The following EFCAB6 variants were observed in gnomAD, a reference collection of about 807,000 sequenced individuals.
The protein encoded by EFCAB6 is EF-hand calcium binding domain 6, also known as EF-hand calcium-binding domain-containing protein 6.
In EFCAB6, 156 loss-of-function variants were observed where a neutral mutation model predicts 169.8. The observed-to-expected ratio is 0.92, with a 90% CI of 0.81 to 1.05. EFCAB6 has a LOEUF of 1.05. Ranked by LOEUF, EFCAB6 falls within the 50% of genes least tolerant of loss-of-function variation. The pLI is 0.00. For missense variants in EFCAB6, 1,800 were observed against 1,829.1 expected, an observed-to-expected ratio of 0.98 and a Z score of 0.29; for synonymous variants, 698 against 676.4, an observed-to-expected ratio of 1.03 and a Z score of -0.50.
Position 43,540,233 on chromosome 22 carries a change from G to C in EFCAB6, c.3773C>G (p.Ala1258Gly). ...TPMATGDSAV[A>G]QRGSSVPDVS... ...GTCAGGGACACTGCTCCCTCTCTGG[G>C]CCACGGCCGAGTCACCAGTGGCCAT... Residue 1258 changes from alanine to glycine, a missense_variant, in exon 28 of 32, where the codon GCC becomes GGC. Ala to Gly is a moderately conservative substitution (Grantham distance 60, BLOSUM62 0). Coordinates refer to ENST00000262726, the MANE Select transcript of EFCAB6 (RefSeq NM_022785.4). 6.2e-7 allele frequency: 1 copy of C among 1,614,218 alleles called. No individual in the cohort carries two copies. The highest frequency in any genetic ancestry group is 8.5e-7 in the Non-Finnish European group (1 of 1,180,050).
At chr22:43,790,056 G>C (rs1002535251) in intron 2 of EFCAB6, among the ~76,000 whole-genome samples, 1 of 152,148 alleles carries the variant, frequency 6.6e-6, no homozygotes, top group Non-Finnish European at 1.5e-5. Flanking sequence ...AAATGAATAA[G>C]AATTTTTTTT....
chr22:43,530,815 C>T lies in EFCAB6; in HGVS notation c.4383G>A (p.Thr1461=), dbSNP rs761698490. The T allele has an allele frequency of 5.0e-6, 8 of 1,613,478 alleles. No homozygotes were observed. Among genetic ancestry groups the T allele is most frequent in the South Asian group, 2.2e-5 (2 of 91,038 alleles). ...TGLLSVADFR[T]VLRQYSINLS... is the part of the protein sequence containing the mutation. ...GCACTGGGCGCAGAGCTGTGCTCACCGTCCTGAAATCTGCGACGCTTAGCA... is the reference window on the plus strand; with the variant it reads ...GCACTGGGCGCAGAGCTGTGCTCACTGTCCTGAAATCTGCGACGCTTAGCA... The change falls in exon 31 of 32, where the codon ACG becomes ACA. Residue 1461 remains threonine, a splice_region_variant and synonymous_variant. Coordinates refer to ENST00000262726, the MANE Select transcript of EFCAB6 (RefSeq NM_022785.4).
chr22:43,586,539 G>A (rs1024363917), intron 24 of EFCAB6, among the ~76,000 whole-genome samples: 4 of 151,638 alleles, frequency 2.6e-5, no homozygotes, highest in East Asian at 3.9e-4. Flanking sequence ...CTGTCAGCAT[G>A]GCTCAATTAT....
intron 2 of EFCAB6, among the ~76,000 whole-genome samples, chr22:43,784,382 G>A (rs1037236493): frequency 6.6e-6 from 1 of 150,766 alleles, no homozygotes; most frequent in Non-Finnish European, 1.5e-5. Flanking sequence ...AAGGTGCAGT[G>A]GCTCATGCCT....
At chr22:43,776,219 G>A (rs1318230716) in intron 3 of EFCAB6, among the ~76,000 whole-genome samples, 1 of 152,218 alleles carries the variant, frequency 6.6e-6, no homozygotes, top group Non-Finnish European at 1.5e-5. Context: ...AGGCCACAGG[G>A]AAACAGGCCC....
chr22:43,751,084 A>G (rs1171418767), intron 6 of EFCAB6, among the ~76,000 whole-genome samples: 1 of 152,194 alleles, frequency 6.6e-6, no homozygotes, highest in Non-Finnish European at 1.5e-5. Flanking sequence ...TGACTTGGGT[A>G]GTGACACGGT....
intron 19 of EFCAB6, among the ~76,000 whole-genome samples, chr22:43,631,881 G>A (rs2054971581): frequency 6.6e-6 from 1 of 150,712 alleles, no homozygotes; most frequent in Non-Finnish European, 1.5e-5. Flanking sequence ...GGTCTCCTTA[G>A]CCTTCTGCCA....
At chr22:43,786,459 C>T (rs775572855) in intron 2 of EFCAB6, among the ~76,000 whole-genome samples, 7 of 152,134 alleles carry the variant, frequency 4.6e-5, no homozygotes, top group South Asian at 2.1e-4. Flanking sequence ...CAGTGGCTCA[C>T]GCCTGTAATC....
In EFCAB6 at chr22:43,789,847, T is replaced by TCACTCACACACA. The variant is rs1556414972; in HGVS notation, c.-7-7523_-7-7522insTGTGTGTGAGTG. ...CTGAGGCTCCTAAGTTGGCTAACCT[T>TCACTCACACACA]CACACACACACACACACACACACAC... is the stretch of plus-strand genomic sequence containing the variant. On this transcript the variant is annotated intron_variant, in intron 2 of 31. Coordinates refer to ENST00000262726, the MANE Select transcript of EFCAB6 (RefSeq NM_022785.4). Among the ~76,000 whole-genome samples, 571 of 143,392 alleles carry TCACTCACACACA rather than the reference T, an allele frequency of 4.0e-3. 5 individuals are homozygous for TCACTCACACACA. Among genetic ancestry groups the TCACTCACACACA allele is most frequent in the African/African-American group, 0.014 (543 of 38,680 alleles). The allele number at this position is 143,392 out of a possible 152,430, so 94.1% of individuals were successfully genotyped here.
At chr22:43,785,190 C>T (rs1049856025) in intron 2 of EFCAB6, among the ~76,000 whole-genome samples, 5 of 152,148 alleles carry the variant, frequency 3.3e-5, no homozygotes, top group Non-Finnish European at 7.4e-5. Flanking sequence ...ACCTCACAGA[C>T]AACTAAAGAA....
chr22:43,635,066 C>A (rs763610551), intron 18 of EFCAB6, 36 bp downstream of exon 18: 15 of 1,555,022 alleles, frequency 9.6e-6, no homozygotes, highest in African/African-American at 2.7e-5. Flanking sequence ...TCACCCAGGA[C>A]GCATCCCACA....
chr22:43,532,356 C>T (rs1313306876), intron 30 of EFCAB6, among the ~76,000 whole-genome samples: 1 of 152,058 alleles, frequency 6.6e-6, no homozygotes, highest in Non-Finnish European at 1.5e-5. Flanking sequence ...CACTGGTGTG[C>T]TCTTCCGCAG....
At chr22:43,579,785 G>GGCAA (rs1569191924) in intron 25 of EFCAB6, among the ~76,000 whole-genome samples, 1 of 98,406 alleles carries the variant, frequency 1.0e-5, no homozygotes, top group East Asian at 3.1e-4. Flanking sequence ...ATTCCCTACA[G>GGCAA]GCAAGCATCA....
At chr22:43,704,319 A>T (rs1175943594) in intron 10 of EFCAB6, among the ~76,000 whole-genome samples, 1 of 152,172 alleles carries the variant, frequency 6.6e-6, no homozygotes, top group Non-Finnish European at 1.5e-5. Context: ...GACATACAAA[A>T]GCTAAGAGAA....
chr22:43,644,570 C>T (rs2056031003), intron 17 of EFCAB6, among the ~76,000 whole-genome samples: 1 of 152,204 alleles, frequency 6.6e-6, no homozygotes, highest in South Asian at 2.1e-4. Flanking sequence ...ACAATCCTTC[C>T]TCCAACCTTA....
intron 20 of EFCAB6, among the ~76,000 whole-genome samples, chr22:43,619,971 A>G (rs1291776101): frequency 6.6e-6 from 1 of 152,230 alleles, no homozygotes; most frequent in Non-Finnish European, 1.5e-5. Context: ...AAATCAAATC[A>G]TAAATTATAA....
intron 20 of EFCAB6, among the ~76,000 whole-genome samples, chr22:43,619,356 C>T (rs2053968334): frequency 6.6e-6 from 1 of 152,148 alleles, no homozygotes; most frequent in Non-Finnish European, 1.5e-5. Flanking sequence ...AATCAACACA[C>T]TACAGAGGAT....
chr22:43,702,007 T>TG (rs35286719), intron 10 of EFCAB6, among the ~76,000 whole-genome samples: 2 of 151,862 alleles, frequency 1.3e-5, no homozygotes, highest in East Asian at 1.9e-4. Flanking sequence ...AATTAACCAA[T>TG]GGGGGGGATG....
intron 2 of EFCAB6, among the ~76,000 whole-genome samples, chr22:43,792,380 C>T (rs2062328683): frequency 6.6e-6 from 1 of 152,130 alleles, no homozygotes; most frequent in Non-Finnish European, 1.5e-5. Flanking sequence ...TGTGATACCA[C>T]AAGTCAAGGG....
Sources: gnomAD v4.1 joint callset for allele counts (sites outside exome capture counted in the v4.1 genomes callset) on GRCh38, gnomAD v4.1.1 for gene constraint, MANE v1.5 for transcripts, NCBI Gene and HGNC (gene_info 2026-07-23, HGNC 2026-07-21) for gene names.